Variants in CHRM3 observed in about 807,000 individuals in gnomAD.
CHRM3 encodes cholinergic receptor muscarinic 3, also known as muscarinic acetylcholine receptor M3.
In CHRM3, 11 loss-of-function variants were observed where a neutral mutation model predicts 41.8. That is an observed-to-expected ratio of 0.26 (90% CI 0.17 to 0.44). The LOEUF is 0.44. Ranked by LOEUF, CHRM3 falls within the 20% of genes least tolerant of loss-of-function variation. CHRM3 has a pLI of 1.00. For missense variants in CHRM3, 571 were observed against 745.4 expected, an observed-to-expected ratio of 0.77 and a Z score of 2.72; for synonymous variants, 297 against 301.4, an observed-to-expected ratio of 0.99 and a Z score of 0.15.
At chr1:239,844,561 A>T (rs1220363973) in intron 6 of CHRM3, among the ~76,000 whole-genome samples, 12 of 152,170 alleles carry the variant, frequency 7.9e-5, no homozygotes, top group Admixed American at 3.9e-4. Flanking sequence ...ATTTTAACTC[A>T]AATTCAGGAA....
chr1:239,446,127 G>A (rs903970708), intron 1 of CHRM3, among the ~76,000 whole-genome samples: 3 of 152,196 alleles, frequency 2.0e-5, no homozygotes, highest in African/African-American at 4.8e-5. Flanking sequence ...AGTAGAGATG[G>A]GGTTTCACCA....
chr1:239,646,063 G>A (rs1177310460), intron 4 of CHRM3, among the ~76,000 whole-genome samples: 1 of 152,024 alleles, frequency 6.6e-6, no homozygotes, highest in Non-Finnish European at 1.5e-5. Context: ...ATAGAAGAAT[G>A]CCTTGAAAAA....
chr1:239,700,307 A>C (rs1426650226), intron 5 of CHRM3, among the ~76,000 whole-genome samples: 1 of 152,134 alleles, frequency 6.6e-6, no homozygotes, highest in Non-Finnish European at 1.5e-5. Flanking sequence ...TCCGTCTATA[A>C]CATCTTCAGC....
chr1:239,493,990 G>T (rs1370481332), intron 2 of CHRM3, among the ~76,000 whole-genome samples: 2 of 152,136 alleles, frequency 1.3e-5, no homozygotes, highest in Admixed American at 6.6e-5. Context: ...GCAGAACAGG[G>T]CTAACTCACA....
chr1:239,867,040 CG>C (rs1572534790), intron 6 of CHRM3, among the ~76,000 whole-genome samples: 1 of 152,196 alleles, frequency 6.6e-6, no homozygotes, highest in Admixed American at 6.5e-5. Flanking sequence ...TCAGGGGCAC[CG>C]GGTTGCCAGC....
At chr1:239,792,557 C>T (rs901120069) in intron 5 of CHRM3, among the ~76,000 whole-genome samples, 2 of 152,174 alleles carry the variant, frequency 1.3e-5, no homozygotes, top group African/African-American at 2.4e-5. Context: ...TAGATGAAAT[C>T]ATTTTGAGAG....
intron 5 of CHRM3, among the ~76,000 whole-genome samples, chr1:239,820,839 C>T (rs764297207): frequency 6.6e-6 from 1 of 152,152 alleles, no homozygotes; most frequent in Non-Finnish European, 1.5e-5. Flanking sequence ...CAGATTACCA[C>T]ATATACCCCC....
chr1:239,435,064 T>G (rs184258562), intron 1 of CHRM3, among the ~76,000 whole-genome samples: 21 of 152,214 alleles, frequency 1.4e-4, no homozygotes, highest in African/African-American at 4.8e-4. Flanking sequence ...TTTAGTAAAA[T>G]GTAGCAGTAA....
At chr1:239,768,563 TG>T (rs1478346740) in intron 5 of CHRM3, among the ~76,000 whole-genome samples, 1 of 152,266 alleles carries the variant, frequency 6.6e-6, no homozygotes, top group African/African-American at 2.4e-5. Context: ...ATAAAAGAAT[TG>T]TGGCTTCTAA....
chr1:239,561,578 A>T (rs1297592308), intron 3 of CHRM3, among the ~76,000 whole-genome samples: 1 of 151,922 alleles, frequency 6.6e-6, no homozygotes, highest in Non-Finnish European at 1.5e-5. Context: ...CTCTTCATAA[A>T]GAATATTATA....
chr1:239,476,247 C>T (rs565293196), intron 1 of CHRM3, among the ~76,000 whole-genome samples: 1 of 152,122 alleles, frequency 6.6e-6, no homozygotes, highest in African/African-American at 2.4e-5. Flanking sequence ...AGGCAGATCA[C>T]CTGAGTTCAG....
intron 6 of CHRM3, among the ~76,000 whole-genome samples, chr1:239,872,523 A>G (rs1482585055): frequency 6.6e-6 from 1 of 152,310 alleles, no homozygotes; most frequent in Non-Finnish European, 1.5e-5. Flanking sequence ...CAGAAGAGCA[A>G]CTGAGCAAAA....
chr1:239,766,366 TA>T (rs1258043511), intron 5 of CHRM3, among the ~76,000 whole-genome samples: 2 of 152,042 alleles, frequency 1.3e-5, no homozygotes, highest in African/African-American at 4.8e-5. Context: ...TTAAGCTGAA[TA>T]AATATATTTA....
At chr1:239,901,238 A>G (rs10399860) in intron 6 of CHRM3, among the ~76,000 whole-genome samples, 61,088 of 151,884 alleles carry the variant, frequency 0.4, 13,802 homozygotes, top group African/African-American at 0.62. Flanking sequence ...GCAGAGTGTA[A>G]GGCAAGATTC....
intron 5 of CHRM3, among the ~76,000 whole-genome samples, chr1:239,695,298 C>T (rs1435015998): frequency 1.3e-5 from 2 of 152,188 alleles, no homozygotes; most frequent in Admixed American, 6.5e-5. Flanking sequence ...GTGTGAGCCA[C>T]TGTGCCCGGC....
chr1:239,410,781 C>A (rs2103040815), intron 1 of CHRM3, among the ~76,000 whole-genome samples: 1 of 152,346 alleles, frequency 6.6e-6, no homozygotes, highest in Admixed American at 6.5e-5. Context: ...TAAAGGATTT[C>A]CATTAAGACT....
At chr1:239,447,411 GAA>G (rs146550354) in intron 1 of CHRM3, among the ~76,000 whole-genome samples, 2,843 of 152,200 alleles carry the variant, frequency 0.019, 50 homozygotes, top group Non-Finnish European at 0.028. Context: ...GAGAGAGAGA[GAA>G]TGGCAGGAGG....
intron 1 of CHRM3, among the ~76,000 whole-genome samples, chr1:239,487,835 A>G (rs187336768): frequency 6.6e-6 from 1 of 151,520 alleles, no homozygotes; most frequent in Admixed American, 6.6e-5. Context: ...CAAATGACAA[A>G]AATATGCTTG....
intron 3 of CHRM3, among the ~76,000 whole-genome samples, chr1:239,570,847 G>T (rs2148534241): frequency 6.6e-6 from 1 of 152,204 alleles, no homozygotes; most frequent in Non-Finnish European, 1.5e-5. Context: ...CTTTGAGATG[G>T]AGTAAAAATA....
Sources: allele counts gnomAD v4.1 joint callset (sites outside exome capture counted in the v4.1 genomes callset), GRCh38; gene constraint gnomAD v4.1.1; transcripts MANE v1.5; gene names NCBI Gene and HGNC (gene_info 2026-07-23, HGNC 2026-07-21).